The following DNAH11 variants were observed in gnomAD, a reference collection of about 807,000 sequenced individuals.
DNAH11 encodes axonemal beta dynein heavy chain 11.
A neutral mutation model predicts 526.0 loss-of-function variants in DNAH11; 442 were observed. That is an observed-to-expected ratio of 0.84 (90% confidence interval 0.78 to 0.91). DNAH11 has a LOEUF of 0.91. DNAH11 is among the 40% of genes least tolerant of loss of function. The probability of loss-of-function intolerance (pLI) is 0.00; values close to 1 mark genes in which losing one functional copy is unlikely to be tolerated. For missense variants in DNAH11, 6,989 were observed against 5,448.7 expected, an observed-to-expected ratio of 1.28 and a Z score of -8.90; for synonymous variants, 2,461 against 1,935.9, an observed-to-expected ratio of 1.27 and a Z score of -7.12.
chr7:21,661,387 G>GTCTT lies in DNAH11; in HGVS notation c.5328+2358_5328+2361dup, dbSNP rs1461677692. 1.8e-4 allele frequency among the ~76,000 whole-genome samples: 28 copies of GTCTT among 151,812 alleles called. 1 individual carries two copies. The highest frequency in any genetic ancestry group is 6.5e-4 in the African/African-American group (27 of 41,352). On this transcript the variant is annotated intron_variant, in intron 30 of 81. Coordinates refer to ENST00000409508, the MANE Select transcript of DNAH11 (RefSeq NM_001277115.2). ...GTTACAGGAAAATTTCTGGTCCCTT[G>GTCTT]TCTTTATTTTGACTTCCTTTTTGAT...
At chr7:21,722,855 A>G (rs1784935679) in intron 44 of DNAH11, among the ~76,000 whole-genome samples, 1 of 152,030 alleles carries the variant, frequency 6.6e-6, no homozygotes, top group Non-Finnish European at 1.5e-5. Flanking sequence ...CCTTTCTGGG[A>G]CTGTAAAATC....
intron 14 of DNAH11, among the ~76,000 whole-genome samples, chr7:21,593,275 C>T (rs922521430): frequency 6.6e-6 from 1 of 152,128 alleles, no homozygotes; most frequent in Non-Finnish European, 1.5e-5. Context: ...GGCTAACCCT[C>T]AGATCTGGCA....
intron 28 of DNAH11, among the ~76,000 whole-genome samples, chr7:21,639,680 AT>A (rs1787030533): frequency 6.6e-6 from 1 of 152,222 alleles, no homozygotes; most frequent in African/African-American, 2.4e-5. Context: ...AACTGTACAA[AT>A]TCCAAAGCAC....
chr7:21,821,528 T>G (rs1027755228), intron 65 of DNAH11, among the ~76,000 whole-genome samples: 5 of 152,298 alleles, frequency 3.3e-5, no homozygotes, highest in Admixed American at 6.5e-5. Flanking sequence ...ATATGAAGTT[T>G]ATGTGAAAAC....
At position 21,769,592 on chromosome 7, in the gene DNAH11, C is replaced by T. The variant is rs973564836; in HGVS notation, c.9102+4003C>T. ...TTCCGCCTCTCGGGTTCAAGTGATTCTCCTGCCTCAGCCTCCTGAGTAGCT... is the reference window on the plus strand; with the variant it reads ...TTCCGCCTCTCGGGTTCAAGTGATTTTCCTGCCTCAGCCTCCTGAGTAGCT... On this transcript the variant is annotated intron_variant, in intron 55 of 81. Coordinates refer to ENST00000409508, the MANE Select transcript of DNAH11 (RefSeq NM_001277115.2). 1.9e-4 allele frequency among the ~76,000 whole-genome samples: 29 copies of T among 151,922 alleles called. 1 individual carries two copies. The highest frequency in any genetic ancestry group is 2.8e-4 in the Non-Finnish European group (19 of 68,006).
intron 68 of DNAH11, among the ~76,000 whole-genome samples, chr7:21,857,735 G>GT (rs1232618174): frequency 6.6e-6 from 1 of 152,032 alleles, no homozygotes. Context: ...GGAAAGGACA[G>GT]TTTTTACAAC....
chr7:21,866,179 G>A (rs189512211), intron 70 of DNAH11, among the ~76,000 whole-genome samples: 27 of 152,158 alleles, frequency 1.8e-4, no homozygotes, highest in African/African-American at 3.6e-4. Flanking sequence ...TGGTTCAAAC[G>A]CCTCTGACAG....
At chr7:21,787,274 A>G (rs780994363) in intron 59 of DNAH11, 127 bp from the exon 60 acceptor site, 12 of 810,762 alleles carry the variant, frequency 1.5e-5, no homozygotes, top group Non-Finnish European at 2.3e-5. Context: ...GTCAAACAGT[A>G]GGATAAATGC....
At position 21,710,669 on chromosome 7, in the gene DNAH11, T is replaced by C. The variant is rs1370098575; in HGVS notation, c.6800T>C (p.Ile2267Thr). ...VLDGDIDPMWIESLNTVMDDN... is the reference protein window; with the variant it reads ...VLDGDIDPMWTESLNTVMDDN... ...GATGGCGATATTGACCCCATGTGGA[T>C]TGAATCACTGAATACTGTAATGGAT... The change falls in exon 41 of 82, where the codon ATT becomes ACT. Residue 2267 changes from isoleucine (I) to threonine (T), a missense_variant. Transcript: ENST00000409508. 1 of 1,613,134 alleles carries C rather than the reference T, an allele frequency of 6.2e-7. No individual in the cohort carries two copies. Among genetic ancestry groups the C allele is most frequent in the South Asian group, 1.1e-5 (1 of 90,912 alleles).
At position 21,746,592 on chromosome 7, in the gene DNAH11, G is replaced by A. The variant is rs114237738; in HGVS notation, c.8510+1529G>A. On this transcript the variant is annotated intron_variant, in intron 51 of 81. Coordinates refer to ENST00000409508, the MANE Select transcript of DNAH11 (RefSeq NM_001277115.2). ...CACTCTAGCCTAAGCAACAGAGTGA[G>A]ACCCTGTCTCTCAAAAATAAAAGAC... Among the ~76,000 whole-genome samples, 475 of 152,238 alleles carry A rather than the reference G, an allele frequency of 3.1e-3. 4 individuals are homozygous for A. The highest frequency in any genetic ancestry group is 0.011 in the African/African-American group (451 of 41,538).
intron 30 of DNAH11, among the ~76,000 whole-genome samples, chr7:21,668,901 A>G (rs74581236): frequency 0.019 from 2,854 of 152,310 alleles, 38 homozygotes; most frequent in Non-Finnish European, 0.03. Flanking sequence ...ACCATTTAAG[A>G]AACAGTCAAA....
intron 25 of DNAH11, among the ~76,000 whole-genome samples, chr7:21,631,568 A>G (rs1786610624): frequency 6.6e-6 from 1 of 152,244 alleles, no homozygotes; most frequent in South Asian, 2.1e-4. Context: ...AGCCAAAACA[A>G]AGGGGTTACA....
chr7:21,694,593 C>G (rs1267427836), intron 35 of DNAH11, among the ~76,000 whole-genome samples: 1 of 152,174 alleles, frequency 6.6e-6, no homozygotes, highest in Non-Finnish European at 1.5e-5. Context: ...TTTTTCCAGT[C>G]TATCATTGAT....
At chr7:21,898,180 T>C (rs533381409) in intron 79 of DNAH11, among the ~76,000 whole-genome samples, 1 of 152,340 alleles carries the variant, frequency 6.6e-6, no homozygotes, top group Admixed American at 6.5e-5. Flanking sequence ...GATGGCAACA[T>C]TTTGAGAGAA....
chr7:21,645,844 T>C (rs757270809), intron 28 of DNAH11, among the ~76,000 whole-genome samples: 2 of 151,984 alleles, frequency 1.3e-5, no homozygotes, highest in Non-Finnish European at 2.9e-5. Flanking sequence ...AAACAAACGA[T>C]ATACAACATG....
chr7:21,554,528 C>T (rs59428773), intron 2 of DNAH11, among the ~76,000 whole-genome samples: 1 of 152,076 alleles, frequency 6.6e-6, no homozygotes, highest in South Asian at 2.1e-4. Context: ...TTTTGTTCAG[C>T]TGGCAAGACG....
chr7:21,852,621 T>G lies in DNAH11; in HGVS notation c.11051T>G (p.Ile3684Arg), dbSNP rs1782686360. 1 of 1,595,884 alleles carries G rather than the reference T, an allele frequency of 6.3e-7. No individual in the cohort carries two copies. The highest frequency in any genetic ancestry group is 1.1e-5 in the South Asian group (1 of 86,974). The change falls in exon 67 of 82, where the codon ATA becomes AGA. Residue 3684 changes from isoleucine to arginine, a missense_variant. Coordinates refer to ENST00000409508, the MANE Select transcript of DNAH11 (RefSeq NM_001277115.2). ...GCAACAAAGACCACCGTGGCAGAGA[T>G]AGAGCACAAGGTAGGAAGGGCAGAG... ...LEATKTTVAEIEHKVIEAKEN... is the reference protein window; with the variant it reads ...LEATKTTVAEREHKVIEAKEN...
intron 20 of DNAH11, among the ~76,000 whole-genome samples, chr7:21,608,386 G>A (rs940425797): frequency 6.6e-6 from 1 of 152,194 alleles, no homozygotes; most frequent in African/African-American, 2.4e-5. Context: ...AGATTTAGGA[G>A]CTGGGCACCT....
At chr7:21,693,470 G>T (rs764543918) in intron 35 of DNAH11, among the ~76,000 whole-genome samples, 2 of 152,196 alleles carry the variant, frequency 1.3e-5, no homozygotes, top group Non-Finnish European at 2.9e-5. Context: ...CATCAGAGTA[G>T]TGCTGACATC....
Sources: allele counts gnomAD v4.1 joint callset (sites outside exome capture counted in the v4.1 genomes callset), GRCh38; gene constraint gnomAD v4.1.1; transcripts MANE v1.5; gene names NCBI Gene and HGNC (gene_info 2026-07-23, HGNC 2026-07-21).